Variants in DMD observed in about 807,000 individuals in gnomAD.
DMD encodes the protein mutant dystrophin.
In DMD, 63 loss-of-function variants were observed where a neutral mutation model predicts 330.1. That is an observed-to-expected ratio of 0.19 (90% CI 0.16 to 0.24). The LOEUF (loss-of-function observed/expected upper bound fraction) is 0.24, where lower values mean the gene tolerates loss of function less well. DMD is among the 10% of genes least tolerant of loss of function. The pLI, the probability that DMD is intolerant of heterozygous loss-of-function variation, is 1.00. For missense variants in DMD, 3,344 were observed against 2,684.1 expected, an observed-to-expected ratio of 1.25 and a Z score of -5.43; for synonymous variants, 1,223 against 959.8, an observed-to-expected ratio of 1.27 and a Z score of -5.07.
chrX:31,831,267 A>G (rs1403579424), intron 49 of DMD, among the ~76,000 whole-genome samples: 5 of 112,454 alleles, frequency 4.4e-5, no homozygotes, highest in African/African-American at 1.6e-4. Context: ...TGAGCTCTAC[A>G]ATTCTAGAAT....
chrX:31,741,536 T>C (rs2087336479), intron 51 of DMD, among the ~76,000 whole-genome samples: 1 of 111,464 alleles, frequency 9.0e-6, no homozygotes, highest in African/African-American at 3.3e-5. Flanking sequence ...AGGGACATTG[T>C]CAAAGAGCAG....
At chrX:32,458,054 T>A (rs1225749062) in intron 25 of DMD, among the ~76,000 whole-genome samples, 3 of 111,159 alleles carry the variant, frequency 2.7e-5, no homozygotes, top group Middle Eastern at 9.3e-3. Context: ...ATTCATTTAA[T>A]TATTATATAC....
At chrX:32,760,094 ATTC>A (rs200492225) in intron 7 of DMD, among the ~76,000 whole-genome samples, 31,219 of 110,955 alleles carry the variant, frequency 0.28, 3,327 homozygotes, top group South Asian at 0.42. Context: ...TCTTGTAATT[ATTC>A]TTCTTAAATG....
intron 44 of DMD, among the ~76,000 whole-genome samples, chrX:32,102,733 C>T (rs1455211834): frequency 5.4e-5 from 6 of 111,442 alleles, no homozygotes; most frequent in Non-Finnish European, 1.1e-4. Context: ...GGCAATGGAG[C>T]TGATCATGCA....
intron 7 of DMD, among the ~76,000 whole-genome samples, chrX:32,786,295 G>A (rs898074814): frequency 9.1e-6 from 1 of 109,876 alleles, no homozygotes; most frequent in African/African-American, 3.3e-5. Context: ...CTCAAGGTGG[G>A]ATTTCAATCT....
At chrX:31,750,085 G>T (rs75616160) in intron 51 of DMD, among the ~76,000 whole-genome samples, 26,613 of 108,610 alleles carry the variant, frequency 0.25, 2,585 homozygotes, top group East Asian at 0.42. Flanking sequence ...TTTCTCCCAT[G>T]TTGTAGGTTG....
At chrX:32,545,483 TA>T (rs763253504) in intron 16 of DMD, 149 bp from the exon 17 acceptor site, 48 of 548,056 alleles carry the variant, frequency 8.8e-5, no homozygotes, top group Non-Finnish European at 1.3e-4. Context: ...TGAAGCCAAA[TA>T]AAATTGTTTT....
At chrX:31,848,407 T>C (rs1177013106) in intron 48 of DMD, among the ~76,000 whole-genome samples, 6 of 111,739 alleles carry the variant, frequency 5.4e-5, no homozygotes, top group Non-Finnish European at 9.4e-5. Flanking sequence ...TAGCTAATTA[T>C]AGTGGCCGGC....
chrX:31,694,656 ACATATATG>A (rs1328726423), intron 52 of DMD, among the ~76,000 whole-genome samples: 9 of 100,478 alleles, frequency 9.0e-5, no homozygotes, highest in African/African-American at 3.2e-4. Flanking sequence ...ATATACACAC[ACATATATG>A]TATAATACTC....
In DMD at chrX:31,391,731, C is replaced by T. The variant is rs190635477; in HGVS notation, c.9085-43097G>A. On this transcript the variant is annotated intron_variant, in intron 60 of 78. Coordinates refer to ENST00000357033, the MANE Select transcript of DMD (RefSeq NM_004006.3). ...CCTAAAAATACAAAAATTAGCTGGG[C>T]GTGGTGGCACACACCTGTAATCCCA... Among the ~76,000 whole-genome samples the T allele has an allele frequency of 3.2e-3, 349 of 109,738 alleles. 1 individual carries two copies. Among genetic ancestry groups the T allele is most frequent in the African/African-American group, 0.011 (333 of 30,129 alleles).
At position 32,626,081 on chromosome X, in the gene DMD, T is replaced by G. The variant is rs1050970033; in HGVS notation, c.1332-11628A>C. Among the ~76,000 whole-genome samples the G allele has an allele frequency of 1.7e-4, 19 of 112,685 alleles. No homozygotes were observed. In the Admixed American group the frequency reaches 1.8e-3, roughly 11 times the overall value. ...AGATACCAGTACAAATTAGAGAAAC[T>G]TAATTTTTAATGCATGTTTTTACTT... On this transcript the variant is annotated intron_variant, in intron 11 of 78. Coordinates refer to ENST00000357033, the MANE Select transcript of DMD (RefSeq NM_004006.3).
intron 44 of DMD, among the ~76,000 whole-genome samples, chrX:31,979,992 A>G (rs2095465592): frequency 8.9e-6 from 1 of 112,357 alleles, no homozygotes. Flanking sequence ...AACCACAACA[A>G]TATACCTACA....
At chrX:32,417,677 G>T (rs1306172894) in intron 29 of DMD, among the ~76,000 whole-genome samples, 2 of 111,190 alleles carry the variant, frequency 1.8e-5, no homozygotes, top group African/African-American at 3.3e-5. Context: ...TATGGAGCAA[G>T]AGTACCTCAG....
intron 44 of DMD, among the ~76,000 whole-genome samples, chrX:32,135,705 G>A (rs1256662613): frequency 8.9e-6 from 1 of 112,549 alleles, no homozygotes; most frequent in East Asian, 2.8e-4. Flanking sequence ...GGGCAGCAGA[G>A]CAAGACTTTG....
chrX:32,694,672 T>C lies in DMD; in HGVS notation c.960+3198A>G, dbSNP rs1224424984. On this transcript the variant is annotated intron_variant, in intron 9 of 78. Coordinates refer to ENST00000357033, the MANE Select transcript of DMD (RefSeq NM_004006.3). ...ATTTATTTTTTTTATTTATGTATTT[T>C]TGAGACAGAGTTTCACTCTTGTTGC... 5.4e-5 allele frequency among the ~76,000 whole-genome samples: 6 copies of C among 111,983 alleles called. No individual in the cohort carries two copies. The Admixed American group carries it at 5.7e-4, about 11-fold the overall frequency.
intron 30 of DMD, among the ~76,000 whole-genome samples, chrX:32,397,193 G>T (rs919351610): frequency 2.7e-5 from 3 of 111,597 alleles, no homozygotes; most frequent in African/African-American, 9.7e-5. Context: ...TCCTAAAGAT[G>T]TGAGGGATGT....
chrX:32,762,188 A>AC (rs2072408565), intron 7 of DMD, among the ~76,000 whole-genome samples: 1 of 109,522 alleles, frequency 9.1e-6, no homozygotes. Context: ...ATCAAAAAAA[A>AC]CAAAAAAACC....
chrX:32,163,851 A>G (rs2096858529), intron 44 of DMD, among the ~76,000 whole-genome samples: 1 of 111,661 alleles, frequency 9.0e-6, no homozygotes, highest in Non-Finnish European at 1.9e-5. Flanking sequence ...AAGGGTACTC[A>G]TGATCTTTCT....
chrX:32,787,294 G>T (rs1016411698), intron 7 of DMD, among the ~76,000 whole-genome samples: 7 of 108,389 alleles, frequency 6.5e-5, no homozygotes, highest in Non-Finnish European at 1.1e-4. Flanking sequence ...GAACCACTCT[G>T]AGGAATTTAA....
Sources: gnomAD v4.1 joint callset for allele counts (sites outside exome capture counted in the v4.1 genomes callset) on GRCh38, gnomAD v4.1.1 for gene constraint, MANE v1.5 for transcripts, NCBI Gene and HGNC (gene_info 2026-07-23, HGNC 2026-07-21) for gene names.